The following LPAR2 variants were observed in gnomAD, a reference collection of about 807,000 sequenced individuals.
LPAR2 encodes lysophosphatidic acid receptor 2.
In LPAR2, 10 loss-of-function variants were observed where a neutral mutation model predicts 15.6. The ratio of observed to expected loss-of-function variants is 0.64; its 90% CI spans 0.39 to 1.09. LPAR2 has a LOEUF of 1.09. LPAR2 is among the 50% of genes least tolerant of loss of function. The pLI, the probability that LPAR2 is intolerant of heterozygous loss-of-function variation, is 0.01. For missense variants in LPAR2, 413 were observed against 484.6 expected (o/e 0.85, Z 1.39); for synonymous variants, 204 against 207.4 (o/e 0.98, Z 0.14).
In LPAR2 at chr19:19,626,826, G is replaced by A. The variant is rs761108199; in HGVS notation, c.459C>T (p.Gly153=). The A allele has an allele frequency of 3.8e-6, 6 of 1,596,028 alleles. No individual in the cohort carries two copies. Among genetic ancestry groups the A allele is most frequent in the Middle Eastern group, 1.7e-4 (1 of 6,034 alleles). ...CCAGGCCCAGGGCAGCCACCCACAC[G>A]CCCACAATGAGCATGACCACGCGGC... is the stretch of plus-strand genomic sequence containing the variant. The change falls in exon 2 of 3, where the codon GGC becomes GGT. Residue 153 remains glycine (G), a synonymous_variant. Transcript: ENST00000407877. The surrounding 1 kb of genome is among the most constrained non-coding windows in gnomAD (Gnocchi z 5.3).
chr19:19,626,998 G>C lies in LPAR2; in HGVS notation c.287C>G (p.Thr96Arg). The C allele has an allele frequency of 6.2e-7, 1 of 1,613,682 alleles. No individual in the cohort carries two copies. The highest frequency in any genetic ancestry group is 1.3e-5 in the African/African-American group (1 of 75,068). Residue 96 changes from threonine (T) to arginine (R), a missense_variant, in exon 2 of 3, where the codon ACA becomes AGA. Physicochemically the swap from Thr to Arg is moderately conservative, Grantham distance 71. Coordinates refer to ENST00000407877, the MANE Select transcript of LPAR2 (RefSeq NM_004720.7). The surrounding 1 kb of genome is among the most constrained non-coding windows in gnomAD (Gnocchi z 5.3). ...CCAGCCCTCAAGTGAAAGTCGGGCT[G>C]TGCGGGGACCAGTGTGGAACATGAG...
In LPAR2 at chr19:19,623,962, G is replaced by T; in HGVS notation, c.*294C>A. The T allele has an allele frequency of 2.3e-6, 1 of 437,582 alleles. No individual in the cohort carries two copies. The highest frequency in any genetic ancestry group is 4.1e-6 in the Non-Finnish European group (1 of 241,040). The allele number at this position is 437,582 out of a possible 1,614,324, so 27.1% of individuals were successfully genotyped here. On this transcript the variant is annotated 3_prime_UTR_variant, in exon 3 of 3. Transcript: ENST00000407877. ...GGAACCAGTCCACAGGGCTTACCAA[G>T]GATACGCAGTGAAAACAGAATAATG... is the stretch of plus-strand genomic sequence containing the variant.
In LPAR2 at chr19:19,627,100, C is replaced by G; in HGVS notation, c.185G>C (p.Arg62Pro). 6.2e-7 allele frequency: 1 copy of G among 1,611,934 alleles called. No homozygotes were observed. The highest frequency in any genetic ancestry group is 8.5e-7 in the Non-Finnish European group (1 of 1,179,134). Residue 62 changes from arginine (R) to proline (P), a missense_variant, in exon 2 of 3, where the codon CGC (arginine) becomes CCC (proline). Transcript: ENST00000407877. The surrounding 1 kb of genome is among the most constrained non-coding windows in gnomAD (Gnocchi z 4.7). Reference sequence around the variant, plus strand: ...CAGGTAGTAGATGGGCTGGTGGAAGCGGCGGTTGGAGGCGATGGCTGCTAT... The same window carrying G: ...CAGGTAGTAGATGGGCTGGTGGAAGGGGCGGTTGGAGGCGATGGCTGCTAT...
At position 19,627,103 on chromosome 19, in the gene LPAR2, C is replaced by A. The variant is rs781671346; in HGVS notation, c.182G>T (p.Arg61Leu). The change falls in exon 2 of 3, where the codon CGC becomes CTC. Residue 61 changes from arginine (R) to leucine (L), a missense_variant. Arg to Leu is a moderately radical substitution (Grantham distance 102, BLOSUM62 -2). Transcript: ENST00000407877. The surrounding 1 kb of genome is among the most constrained non-coding windows in gnomAD (Gnocchi z 4.7). ...GTAGTAGATGGGCTGGTGGAAGCGG[C>A]GGTTGGAGGCGATGGCTGCTATGAC... is the stretch of plus-strand genomic sequence containing the variant. The A allele has an allele frequency of 1.2e-6, 2 of 1,611,386 alleles. No homozygotes were observed. Among genetic ancestry groups the A allele is most frequent in the East Asian group, 2.2e-5 (1 of 44,850 alleles).
intron 2 of LPAR2, among the ~76,000 whole-genome samples, chr19:19,624,854 GC>G: frequency 6.7e-6 from 1 of 150,102 alleles, no homozygotes. Context: ...TCGCTCTGTC[GC>G]CAGGCTAGAG....
intron 2 of LPAR2, among the ~76,000 whole-genome samples, chr19:19,625,523 G>C (rs1286699497): frequency 6.6e-6 from 1 of 152,024 alleles, no homozygotes; most frequent in Non-Finnish European, 1.5e-5. Flanking sequence ...GGTGGCTCAT[G>C]CTTGTAATCC....
At position 19,627,071 on chromosome 19, in the gene LPAR2, C is replaced by G; in HGVS notation, c.214G>C (p.Gly72Arg). 1.2e-6 allele frequency: 2 copies of G among 1,613,546 alleles called. No homozygotes were observed. Among genetic ancestry groups the G allele is most frequent in the Non-Finnish European group, 1.7e-6 (2 of 1,179,896 alleles). ...AAGAGGTCAGCCGCGGCCAGATTGC[C>G]GAGCAGGTAGTAGATGGGCTGGTGG... is the stretch of plus-strand genomic sequence containing the variant. Residue 72 changes from glycine to arginine, a missense_variant, in exon 2 of 3, where the codon GGC becomes CGC. Transcript: ENST00000407877. The surrounding 1 kb of genome is among the most constrained non-coding windows in gnomAD (Gnocchi z 4.7).
In LPAR2 at chr19:19,627,651, G is replaced by T. The variant is rs577657687; in HGVS notation, c.1-367C>A. On this transcript the variant is annotated intron_variant, in intron 1 of 2. Coordinates refer to ENST00000407877, the MANE Select transcript of LPAR2 (RefSeq NM_004720.7). The surrounding 1 kb of genome is among the most constrained non-coding windows in gnomAD (Gnocchi z 4.7). ...AGGAGGGTTAGGGAAAGACAAAGGG[G>T]TGTGAGCTGCGGGAAGAGATGAGGG... The T allele has an allele frequency of 6.9e-6, 2 of 288,422 alleles. No individual in the cohort carries two copies. Among genetic ancestry groups the T allele is most frequent in the East Asian group, 1.9e-4 (2 of 10,756 alleles). 17.9% of individuals were successfully genotyped at this position (288,422 alleles called of 1,614,324 possible).
chr19:19,625,271 C>T (rs993261159), intron 2 of LPAR2, among the ~76,000 whole-genome samples: 1 of 152,008 alleles, frequency 6.6e-6, no homozygotes, highest in Non-Finnish European at 1.5e-5. Context: ...GAGTTTAAGA[C>T]CAGCCTAGGC....
chr19:19,625,955 C>T (rs1304541926), intron 2 of LPAR2, among the ~76,000 whole-genome samples: 1 of 142,874 alleles, frequency 7.0e-6, no homozygotes, highest in Non-Finnish European at 1.5e-5. Context: ...GTGATCTCGG[C>T]TCACCACAAC....
rs1011326115 is a variant in LPAR2 at position 19,628,157 on chromosome 19, T to G, written c.-66A>C. ...GGGTTCGGGGCGGGCTCGAGGCCCA[T>G]GGCCCGGCGACTGCGGCGGGAGCGG... On this transcript the variant is annotated 5_prime_UTR_variant, in exon 1 of 3. It removes an upstream start codon present in the reference 5' UTR. Transcript: ENST00000407877. The G allele has an allele frequency of 6.6e-6, 1 of 152,130 alleles. No homozygotes were observed. Among genetic ancestry groups the G allele is most frequent in the Non-Finnish European group, 1.5e-5 (1 of 68,074 alleles). The allele number at this position is 152,130 out of a possible 1,614,324, so 9.4% of individuals were successfully genotyped here.
In LPAR2 at chr19:19,624,153, G is replaced by T; in HGVS notation, c.*103C>A. On this transcript the variant is annotated 3_prime_UTR_variant, in exon 3 of 3. Transcript: ENST00000407877. ...GCTGTGCCATGCCAGACCTTGTCCT[G>T]CCAGTCAGTCAGTCCTGTTGGTTGG... 8.3e-7 allele frequency: 1 copy of T among 1,209,914 alleles called. No individual in the cohort carries two copies. Among genetic ancestry groups the T allele is most frequent in the Non-Finnish European group, 1.2e-6 (1 of 853,296 alleles). The allele number at this position is 1,209,914 out of a possible 1,614,324, so 74.9% of individuals were successfully genotyped here.
At position 19,627,574 on chromosome 19, in the gene LPAR2, G is replaced by A. The variant is rs1181270556; in HGVS notation, c.1-290C>T. On this transcript the variant is annotated intron_variant, in intron 1 of 2. Coordinates refer to ENST00000407877, the MANE Select transcript of LPAR2 (RefSeq NM_004720.7). This position sits in a 1 kb window ranked among gnomAD's most constrained non-coding sequence, Gnocchi z 4.7. ...AGTGAAACAAAACCCATCTATGGTC[G>A]AATCCCAGCCCACCTGCCGCCAATG... 3 of 391,348 alleles carry A rather than the reference G, an allele frequency of 7.7e-6. No individual in the cohort carries two copies. Among genetic ancestry groups the A allele is most frequent in the Non-Finnish European group, 1.4e-5 (3 of 211,730 alleles). 24.2% of individuals were successfully genotyped at this position (391,348 alleles called of 1,614,324 possible).
rs1054685 is a variant in LPAR2, at chr19:19,623,730, C to T, written c.*526G>A. On this transcript the variant is annotated 3_prime_UTR_variant, in exon 3 of 3. Transcript: ENST00000407877. The stretch of plus-strand genomic sequence containing the variant: ...TCCCCGTGGACTGCTTCAATTCTAT[C>T]GGGGACAGGCCAGTCCCTGGAGGCT... 59,739 of 154,660 alleles carry T rather than the reference C, an allele frequency of 0.39. 11,828 individuals carry two copies. The highest frequency in any genetic ancestry group is 0.4 in the Admixed American group (6,292 of 15,840). The allele number at this position is 154,660 out of a possible 1,614,324, so 9.6% of individuals were successfully genotyped here.
In LPAR2 at chr19:19,626,867, T is replaced by A; in HGVS notation, c.418A>T (p.Ser140Cys). Reference sequence around the variant, plus strand: ...ACCACGCGGCCACGGGGCAGGCGGCTGTGCAGCTGCACGGCCATCACACTG... The same window carrying A: ...ACCACGCGGCCACGGGGCAGGCGGCAGTGCAGCTGCACGGCCATCACACTG... The change falls in exon 2 of 3, where the codon AGC (serine) becomes TGC (cysteine). Residue 140 changes from serine (S) to cysteine (C), a missense_variant. Transcript: ENST00000407877. The surrounding 1 kb of genome is among the most constrained non-coding windows in gnomAD (Gnocchi z 5.3). The A allele has an allele frequency of 6.3e-7, 1 of 1,594,760 alleles. No homozygotes were observed. The highest frequency in any genetic ancestry group is 8.5e-7 in the Non-Finnish European group (1 of 1,171,450).
Position 19,626,594 on chromosome 19 carries a change from G to C in LPAR2, c.691C>G (p.Arg231Gly). 6.2e-7 allele frequency: 1 copy of C among 1,613,048 alleles called. No individual in the cohort carries two copies. The highest frequency in any genetic ancestry group is 8.5e-7 in the Non-Finnish European group (1 of 1,179,908). ...AGGCTGAGCGTGGTCTCTCGGTAGC[G>C]GGGGTGGCAGCTGACATGCTCTGCC... is the stretch of plus-strand genomic sequence containing the variant. Residue 231 changes from arginine to glycine, a missense_variant, in exon 2 of 3, where the codon CGC becomes GGC. By Grantham distance (125) the Arg-to-Gly change is moderately radical. Transcript: ENST00000407877. The surrounding 1 kb of genome is among the most constrained non-coding windows in gnomAD (Gnocchi z 5.3).
In LPAR2 at chr19:19,626,527, TG is replaced by T; in HGVS notation, c.742+15del. The T allele has an allele frequency of 6.3e-7, 1 of 1,578,142 alleles. No individual in the cohort carries two copies. The highest frequency in any genetic ancestry group is 8.6e-7 in the Non-Finnish European group (1 of 1,161,088). On this transcript the variant is annotated intron_variant, in intron 2 of 2. Transcript: ENST00000407877. This position sits in a 1 kb window ranked among gnomAD's most constrained non-coding sequence, Gnocchi z 5.3. ...GGGAAGCAGGGTCCCTGTTGCCCCC[TG>T]GGGGCCCCACTTACCCAGGATGATG... is the stretch of plus-strand genomic sequence containing the variant.
chr19:19,624,675 G>A, intron 2 of LPAR2, 106 bp from the exon 3 acceptor site: 1 of 854,492 alleles, frequency 1.2e-6, no homozygotes, highest in East Asian at 2.6e-5. Context: ...CAATAGTGGT[G>A]AAGTTTGCAG....
chr19:19,624,058 G>GCAGT lies in LPAR2; in HGVS notation c.*194_*197dup. On this transcript the variant is annotated 3_prime_UTR_variant, in exon 3 of 3. Transcript: ENST00000407877. Reference sequence around the variant, plus strand: ...CCTGCACCCCATCTGACTCCCCCAGGCAGTGGGAGATGACCCAAAGCCCCC... The same window carrying GCAGT: ...CCTGCACCCCATCTGACTCCCCCAGGCAGTCAGTGGGAGATGACCCAAAGCCCCC... 1 of 617,386 alleles carries GCAGT rather than the reference G, an allele frequency of 1.6e-6. No individual in the cohort carries two copies. The highest frequency in any genetic ancestry group is 2.9e-6 in the Non-Finnish European group (1 of 348,574). The allele number at this position is 617,386 out of a possible 1,614,324, so 38.2% of individuals were successfully genotyped here. A position where few individuals can be genotyped will look rare whatever the true frequency, so the allele number is the denominator to read the frequency against.
Sources: allele counts gnomAD v4.1 joint callset (sites outside exome capture counted in the v4.1 genomes callset), GRCh38; gene constraint gnomAD v4.1.1; non-coding constraint Gnocchi (gnomAD v3.1); transcripts MANE v1.5; gene names NCBI Gene and HGNC (gene_info 2026-07-23, HGNC 2026-07-21).